The following LAMA2 variants were observed in gnomAD, a reference collection of about 807,000 sequenced individuals.
LAMA2 encodes the protein laminin subunit alpha 2, also known as laminin subunit alpha-2.
A neutral mutation model predicts 364.8 loss-of-function variants in LAMA2; 269 were observed. The ratio of observed to expected loss-of-function variants is 0.74; its 90% CI spans 0.67 to 0.82. The LOEUF (loss-of-function observed/expected upper bound fraction) is 0.82, where lower values mean the gene tolerates loss of function less well. LAMA2 is among the 40% of genes least tolerant of loss of function. The pLI is 0.00. For synonymous variants in LAMA2, 1,379 were observed against 1,370.6 expected (o/e 1.01, Z -0.14); for missense variants, 3,807 against 3,873.2 (o/e 0.98, Z 0.45).
intron 28 of LAMA2, among the ~76,000 whole-genome samples, chr6:129,321,325 G>C (rs4642505): frequency 6.6e-6 from 1 of 151,910 alleles, no homozygotes; most frequent in African/African-American, 2.4e-5. Flanking sequence ...AACTGGCCTG[G>C]GTTTGAATCT....
chr6:129,092,326 T>C (rs1480782811), intron 3 of LAMA2, among the ~76,000 whole-genome samples: 1 of 152,240 alleles, frequency 6.6e-6, no homozygotes, highest in East Asian at 1.9e-4. Flanking sequence ...AGACATTACC[T>C]GCAGTTCTAT....
At chr6:129,294,105 C>T (rs907432968) in intron 20 of LAMA2, among the ~76,000 whole-genome samples, 1 of 152,184 alleles carries the variant, frequency 6.6e-6, no homozygotes, top group Non-Finnish European at 1.5e-5. Context: ...GGGGTTCTGA[C>T]TCCCGGGAAA....
intron 1 of LAMA2, among the ~76,000 whole-genome samples, chr6:128,957,478 T>G (rs1242867833): frequency 6.6e-6 from 1 of 152,130 alleles, no homozygotes; most frequent in Non-Finnish European, 1.5e-5. Flanking sequence ...CTGAAATAGT[T>G]ATCTTTTAAA....
At chr6:128,889,820 T>G (rs1460182248) in intron 1 of LAMA2, among the ~76,000 whole-genome samples, 1 of 152,194 alleles carries the variant, frequency 6.6e-6, no homozygotes, top group Non-Finnish European at 1.5e-5. Flanking sequence ...TTTAAAAATG[T>G]TTTTCTCCTA....
At chr6:129,178,884 AATAATAGTTAC>A (rs1330027387) in intron 10 of LAMA2, among the ~76,000 whole-genome samples, 10 of 152,088 alleles carry the variant, frequency 6.6e-5, no homozygotes, top group Admixed American at 3.3e-4. Context: ...TAAATATAAT[AATAATAGTTAC>A]ATAATAGGTA....
intron 1 of LAMA2, among the ~76,000 whole-genome samples, chr6:128,931,191 A>C (rs972151030): frequency 1.2e-4 from 18 of 152,252 alleles, no homozygotes; most frequent in Non-Finnish European, 2.5e-4. Context: ...TTCAAACAAA[A>C]GAAATTTATC....
At chr6:129,500,468 ATTAAGCACTGC>A (rs1374142751) in intron 58 of LAMA2, among the ~76,000 whole-genome samples, 1 of 152,190 alleles carries the variant, frequency 6.6e-6, no homozygotes, top group African/African-American at 2.4e-5. Context: ...ATACCGTTTT[ATTAAGCACTGC>A]TTCTGCCTGC....
intron 14 of LAMA2, among the ~76,000 whole-genome samples, chr6:129,255,429 A>T (rs1486150617): frequency 6.7e-6 from 1 of 149,764 alleles, no homozygotes; most frequent in African/African-American, 2.4e-5. Flanking sequence ...AAAAAAAAAA[A>T]AAAAAAGCCT....
At chr6:129,414,140 A>G (rs573799214) in intron 40 of LAMA2, among the ~76,000 whole-genome samples, 3 of 152,236 alleles carry the variant, frequency 2.0e-5, no homozygotes, top group African/African-American at 7.2e-5. Flanking sequence ...GGTGAAGTAA[A>G]CAGTAAGTTT....
chr6:128,984,685 G>A (rs1213597958), intron 1 of LAMA2, among the ~76,000 whole-genome samples: 2 of 150,296 alleles, frequency 1.3e-5, no homozygotes, highest in Admixed American at 6.6e-5. Flanking sequence ...TGGGAAGAGA[G>A]ATTTCTCACT....
intron 33 of LAMA2, among the ~76,000 whole-genome samples, chr6:129,367,283 A>G (rs73587394): frequency 0.11 from 16,870 of 152,268 alleles, 1,316 homozygotes; most frequent in African/African-American, 0.21. Flanking sequence ...TTAAGAAATT[A>G]TAGAATACCT....
chr6:129,492,156 G>T, intron 57 of LAMA2, 79 bp downstream of exon 57: 2 of 1,430,156 alleles, frequency 1.4e-6, no homozygotes, highest in Non-Finnish European at 2.0e-6. Context: ...CATCTACATT[G>T]TCTACAGCTA....
chr6:129,507,664 C>G, intron 62 of LAMA2, 22 bp downstream of exon 62: 4 of 1,612,040 alleles, frequency 2.5e-6, no homozygotes, highest in Non-Finnish European at 3.4e-6. Flanking sequence ...TCATTTCCTT[C>G]CTGTTGATTA....
intron 1 of LAMA2, among the ~76,000 whole-genome samples, chr6:128,892,389 T>C (rs1240429835): frequency 6.6e-6 from 1 of 152,052 alleles, no homozygotes; most frequent in Non-Finnish European, 1.5e-5. Context: ...TAGTTATTCA[T>C]ACTTCAAATG....
At chr6:129,162,400 C>T (rs2114988728) in intron 8 of LAMA2, among the ~76,000 whole-genome samples, 1 of 152,056 alleles carries the variant, frequency 6.6e-6, no homozygotes, top group East Asian at 1.9e-4. Context: ...TCCCATTTTC[C>T]ATACTCTGTG....
intron 3 of LAMA2, among the ~76,000 whole-genome samples, chr6:129,093,907 A>G (rs1228288497): frequency 1.3e-5 from 2 of 152,212 alleles, no homozygotes; most frequent in African/African-American, 2.4e-5. Context: ...CCTAGCAGTC[A>G]TAGCATTTTA....
At chr6:129,249,145 G>T (rs1168817732) in intron 12 of LAMA2, among the ~76,000 whole-genome samples, 2 of 152,108 alleles carry the variant, frequency 1.3e-5, no homozygotes, top group African/African-American at 4.8e-5. Flanking sequence ...TCCCAACCAG[G>T]AATTGCTGTC....
At chr6:129,362,688 T>C (rs1248587130) in intron 32 of LAMA2, among the ~76,000 whole-genome samples, 1 of 152,166 alleles carries the variant, frequency 6.6e-6, no homozygotes, top group Non-Finnish European at 1.5e-5. Flanking sequence ...TAAGTAATAA[T>C]GTAGCCCAAA....
intron 40 of LAMA2, among the ~76,000 whole-genome samples, chr6:129,414,427 A>G (rs1042651223): frequency 4.6e-5 from 7 of 152,140 alleles, no homozygotes; most frequent in African/African-American, 1.7e-4. Flanking sequence ...AAATATTATA[A>G]AACCCAGTTC....
Sources: allele counts gnomAD v4.1 joint callset (sites outside exome capture counted in the v4.1 genomes callset), GRCh38; gene constraint gnomAD v4.1.1; transcripts MANE v1.5; gene names NCBI Gene and HGNC (gene_info 2026-07-23, HGNC 2026-07-21).